The following ZNF454 variants were observed in gnomAD, a reference collection of about 807,000 sequenced individuals.
ZNF454 encodes zinc finger protein 454.
Under a neutral mutation model 48.2 loss-of-function variants are expected in ZNF454, and 30 were observed. The ratio of observed to expected loss-of-function variants is 0.62; its 90% CI spans 0.47 to 0.84. The LOEUF (loss-of-function observed/expected upper bound fraction) is 0.84. ZNF454 is among the 40% of genes least tolerant of loss of function. The probability of loss-of-function intolerance (pLI) is 0.00; values close to 1 mark genes in which losing one functional copy is unlikely to be tolerated. For missense variants in ZNF454, 510 were observed against 623.1 expected, an observed-to-expected ratio of 0.82 and a Z score of 1.93; for synonymous variants, 204 against 211.4, an observed-to-expected ratio of 0.97 and a Z score of 0.30.
intron 2 of ZNF454, among the ~76,000 whole-genome samples, chr5:178,945,778 C>T (rs1304473487): frequency 1.3e-5 from 2 of 151,740 alleles, no homozygotes; most frequent in East Asian, 3.9e-4. Flanking sequence ...TGAGCAGCCA[C>T]AGATAGGTGT....
In ZNF454 at chr5:178,946,775, C is replaced by A; in HGVS notation, c.161-122C>A. 2.2e-6 allele frequency: 2 copies of A among 923,542 alleles called. No homozygotes were observed. Among genetic ancestry groups the A allele is most frequent in the Non-Finnish European group, 3.4e-6 (2 of 587,344 alleles). The allele number at this position is 923,542 out of a possible 1,614,324, so 57.2% of individuals were successfully genotyped here. A position where few individuals can be genotyped will look rare whatever the true frequency, so the allele number is the denominator to read the frequency against. On this transcript the variant is annotated intron_variant, in intron 3 of 4. Coordinates refer to ENST00000519564, the MANE Select transcript of ZNF454 (RefSeq NM_001178089.3). The surrounding 1 kb of genome is among the most constrained non-coding windows in gnomAD (Gnocchi z 4.5). ...TCCTCCCTCTGGGAACACACCTGACCCTGGGCTTTCCTATCAAGTCCCATT... is the reference window on the plus strand; with the variant it reads ...TCCTCCCTCTGGGAACACACCTGACACTGGGCTTTCCTATCAAGTCCCATT...
Position 178,961,613 on chromosome 5 carries a change from C to T in ZNF454, c.251-3042C>T, listed in dbSNP as rs912711042. Among the ~76,000 whole-genome samples the T allele has an allele frequency of 4.0e-5, 6 of 151,376 alleles. No homozygotes were observed. The East Asian group carries it at 1.0e-3, about 26-fold the overall frequency. ...GGCGGATTGCCTCAGCTCAGGAGTT[C>T]GCAACCAGCCTGGGCAACACGGTGA... On this transcript the variant is annotated intron_variant, in intron 4 of 4. Transcript: ENST00000519564.
In ZNF454 at chr5:178,965,724, T is replaced by C. The variant is rs748646384; in HGVS notation, c.1320T>C (p.Tyr440=). The change falls in exon 5 of 5, where the codon TAT becomes TAC. Residue 440 remains tyrosine (Y), a synonymous_variant. Coordinates refer to ENST00000519564, the MANE Select transcript of ZNF454 (RefSeq NM_001178089.3). This position sits in a 1 kb window ranked among gnomAD's most constrained non-coding sequence, Gnocchi z 5.2. Reference sequence around the variant, plus strand: ...GAATTCATACTGGGGAAAAACCTTATACATGTAACATATGTGAAAAAGCCT... The same window carrying C: ...GAATTCATACTGGGGAAAAACCTTACACATGTAACATATGTGAAAAAGCCT... ...HQRIHTGEKP[Y]TCNICEKAFS... is the part of the protein sequence containing the mutation. 5.0e-6 allele frequency: 8 copies of C among 1,614,186 alleles called. No homozygotes were observed. Among genetic ancestry groups the C allele is most frequent in the Non-Finnish European group, 6.8e-6 (8 of 1,180,046 alleles).
chr5:178,963,563 G>GTGTTT (rs1485651562), intron 4 of ZNF454, among the ~76,000 whole-genome samples: 1 of 151,652 alleles, frequency 6.6e-6, no homozygotes, highest in African/African-American at 2.4e-5. Context: ...CGTGAATTCT[G>GTGTTT]CATCGTCTGT....
intron 4 of ZNF454, among the ~76,000 whole-genome samples, chr5:178,953,745 C>A (rs1759642233): frequency 6.6e-6 from 1 of 152,188 alleles, no homozygotes; most frequent in Non-Finnish European, 1.5e-5. Context: ...TTTGACATTA[C>A]TCCATTGTTT....
downstream of ZNF454, among the ~76,000 whole-genome samples, chr5:178,970,284 C>T (rs184615804): frequency 3.3e-5 from 5 of 152,318 alleles, no homozygotes; most frequent in East Asian, 1.9e-4. Context: ...AACATGGAGA[C>T]GTCAATCTCT....
intron 4 of ZNF454, among the ~76,000 whole-genome samples, chr5:178,958,063 A>G (rs1427498592): frequency 6.6e-6 from 1 of 152,204 alleles, no homozygotes; most frequent in Non-Finnish European, 1.5e-5. Flanking sequence ...ATTATTTTTG[A>G]AAGCCGTCCC....
the ZNF454 span, chr5:178,986,853 C>T: frequency 6.2e-7 from 1 of 1,614,024 alleles, no homozygotes; most frequent in Non-Finnish European, 8.5e-7. Flanking sequence ...GTCTGAGGGT[C>T]TCTGCCCACT....
chr5:178,964,620 G>T (rs1200741342), intron 4 of ZNF454, 35 bp from the exon 5 acceptor site: 2 of 1,548,462 alleles, frequency 1.3e-6, no homozygotes, highest in Non-Finnish European at 1.8e-6. Context: ...TTTTGCTAGG[G>T]TAAAACAGAC....
chr5:178,955,199 G>T (rs1206839710), intron 4 of ZNF454, among the ~76,000 whole-genome samples: 1 of 152,140 alleles, frequency 6.6e-6, no homozygotes, highest in Non-Finnish European at 1.5e-5. Context: ...GGATCTATCT[G>T]GTTGCTTCTT....
the ZNF454 span, chr5:178,988,836 T>C: frequency 1.0e-6 from 1 of 976,532 alleles, no homozygotes; most frequent in South Asian, 1.5e-5. The surrounding 1 kb of genome is among the most constrained non-coding windows in gnomAD (Gnocchi z 6.0). Flanking sequence ...CCACTCAGCC[T>C]CACCCAGCCC....
chr5:178,963,689 T>C (rs926323398), intron 4 of ZNF454, among the ~76,000 whole-genome samples: 3 of 151,780 alleles, frequency 2.0e-5, no homozygotes, highest in African/African-American at 7.2e-5. Flanking sequence ...TGCCACAAAA[T>C]ATCTCATGGC....
chr5:178,985,715 C>CAA, the ZNF454 span: 24 of 384,924 alleles, frequency 6.2e-5, 1 homozygote, highest in Admixed American at 2.0e-4. Flanking sequence ...AAAAAAAAAA[C>CAA]AAAACAACAC....
the ZNF454 span, chr5:178,986,499 C>T: frequency 1.2e-6 from 2 of 1,609,916 alleles, no homozygotes; most frequent in East Asian, 4.5e-5. Context: ...GCGGGGCTGC[C>T]CAGGGGGAGG....
the ZNF454 span, chr5:178,985,620 G>T: frequency 8.8e-5 from 32 of 361,776 alleles, no homozygotes; most frequent in Non-Finnish European, 1.1e-4. Flanking sequence ...GGAGAATGGC[G>T]TGAACCCGGA....
At chr5:178,983,665 A>C in the ZNF454 span, 1 of 359,598 alleles carries the variant, frequency 2.8e-6, no homozygotes, top group Non-Finnish European at 5.5e-6. Flanking sequence ...AAATCAGGGC[A>C]CGCCACAGGC....
chr5:178,945,341 GGT>G (rs1033265540), intron 2 of ZNF454, among the ~76,000 whole-genome samples: 1 of 151,370 alleles, frequency 6.6e-6, no homozygotes, highest in African/African-American at 2.4e-5. Context: ...TTTGTATGTG[GGT>G]GTATGGATAT....
intron 4 of ZNF454, 120 bp downstream of exon 4, chr5:178,947,106 A>G: frequency 1.3e-6 from 1 of 787,502 alleles, no homozygotes. Flanking sequence ...AGCCTGTTTC[A>G]CATTCGTTCA....
chr5:178,946,769 C>A lies in ZNF454; in HGVS notation c.161-128C>A. The A allele has an allele frequency of 1.1e-6, 1 of 885,764 alleles. No homozygotes were observed. The allele number at this position is 885,764 out of a possible 1,614,324, so 54.9% of individuals were successfully genotyped here. A position where few individuals can be genotyped will look rare whatever the true frequency, so the allele number is the denominator to read the frequency against. The stretch of plus-strand genomic sequence containing the variant: ...ATCTTTTCCTCCCTCTGGGAACACA[C>A]CTGACCCTGGGCTTTCCTATCAAGT... On this transcript the variant is annotated intron_variant, in intron 3 of 4. Coordinates refer to ENST00000519564, the MANE Select transcript of ZNF454 (RefSeq NM_001178089.3). The surrounding 1 kb of genome is among the most constrained non-coding windows in gnomAD (Gnocchi z 4.5).
Sources: allele counts gnomAD v4.1 joint callset (sites outside exome capture counted in the v4.1 genomes callset), GRCh38; gene constraint gnomAD v4.1.1; non-coding constraint Gnocchi (gnomAD v3.1); transcripts MANE v1.5; gene names NCBI Gene and HGNC (gene_info 2026-07-23, HGNC 2026-07-21).